The following FAM174A variants were observed in gnomAD, a reference collection of about 807,000 sequenced individuals.
FAM174A encodes the protein membrane protein FAM174A.
In FAM174A, 14 loss-of-function variants were observed where a neutral mutation model predicts 14.3. The observed-to-expected ratio is 0.98, with a 90% CI of 0.65 to 1.53. The LOEUF is 1.53. Ranked by LOEUF, FAM174A falls within the 40% of genes most tolerant of loss-of-function variation. The probability of loss-of-function intolerance (pLI) is 0.00; values close to 1 mark genes in which losing one functional copy is unlikely to be tolerated. For missense variants in FAM174A, 241 were observed against 249.6 expected, an observed-to-expected ratio of 0.97 and a Z score of 0.23; for synonymous variants, 108 against 111.4, an observed-to-expected ratio of 0.97 and a Z score of 0.19.
intron 2 of FAM174A, among the ~76,000 whole-genome samples, chr5:100,566,141 G>GATTGATAT (rs1554047541): frequency 1.2e-5 from 1 of 81,810 alleles, no homozygotes; most frequent in Non-Finnish European, 2.4e-5. Flanking sequence ...TGAAAAGTAT[G>GATTGATAT]ATATATATAT....
intron 1 of FAM174A, among the ~76,000 whole-genome samples, chr5:100,555,699 ATG>A (rs765431929): frequency 6.6e-6 from 1 of 151,898 alleles, no homozygotes; most frequent in African/African-American, 2.4e-5. Flanking sequence ...GCATTTTTTC[ATG>A]TGTGTGTGTT....
At chr5:100,581,181 G>A (rs938836031) in intron 2 of FAM174A, among the ~76,000 whole-genome samples, 4 of 151,980 alleles carry the variant, frequency 2.6e-5, no homozygotes, top group African/African-American at 4.8e-5. Context: ...TCACTCACCC[G>A]GGCCTCCCAA....
At chr5:100,544,608 G>A (rs1459657244) in intron 1 of FAM174A, among the ~76,000 whole-genome samples, 4 of 152,212 alleles carry the variant, frequency 2.6e-5, no homozygotes, top group Non-Finnish European at 5.9e-5. Flanking sequence ...CAATAATGTA[G>A]TCATTTTAAC....
At position 100,535,817 on chromosome 5, in the gene FAM174A, A is replaced by G. The variant is rs1276438345; in HGVS notation, c.287A>G (p.His96Arg). Residue 96 changes from histidine (H) to arginine (R), a missense_variant, in exon 1 of 3, where the codon CAC becomes CGC. Transcript: ENST00000312637. ...GTGGCCGGGCTTGAGACGGACGATC[A>G]CGGAGGGAAGGCCGGGGAAGGCTCG... Reference protein sequence around the residue: ...NPVAGLETDDHGGKAGEGSVG... With the variant: ...NPVAGLETDDRGGKAGEGSVG... The G allele has an allele frequency of 1.9e-6, 3 of 1,610,620 alleles. No homozygotes were observed. The highest frequency in any genetic ancestry group is 2.5e-6 in the Non-Finnish European group (3 of 1,179,774).
chr5:100,558,583 G>A (rs1271919348), intron 1 of FAM174A, among the ~76,000 whole-genome samples: 1 of 151,962 alleles, frequency 6.6e-6, no homozygotes, highest in Non-Finnish European at 1.5e-5. Context: ...AGGTCTCTTT[G>A]TAGTTCTCTA....
chr5:100,546,803 T>C (rs566604177), intron 1 of FAM174A, among the ~76,000 whole-genome samples: 1 of 152,258 alleles, frequency 6.6e-6, no homozygotes, highest in East Asian at 1.9e-4. Flanking sequence ...GAAATGCATC[T>C]ACTCATTAAT....
intron 1 of FAM174A, among the ~76,000 whole-genome samples, chr5:100,548,814 A>G (rs903359585): frequency 5.9e-5 from 9 of 152,272 alleles, no homozygotes; most frequent in Admixed American, 5.9e-4. Flanking sequence ...TTACATCTAG[A>G]ATTCAAATTA....
At chr5:100,562,415 ATTC>A (rs1198680204) in intron 2 of FAM174A, among the ~76,000 whole-genome samples, 2 of 151,752 alleles carry the variant, frequency 1.3e-5, no homozygotes, top group African/African-American at 4.8e-5. Context: ...TTTTTAATTT[ATTC>A]TTCTGTTTTT....
chr5:100,548,486 A>G (rs1230668069), intron 1 of FAM174A, among the ~76,000 whole-genome samples: 1 of 152,108 alleles, frequency 6.6e-6, no homozygotes, highest in Non-Finnish European at 1.5e-5. Context: ...AATGTGAGAT[A>G]GTTGTTTTGA....
At chr5:100,543,981 T>G (rs1746116346) in intron 1 of FAM174A, among the ~76,000 whole-genome samples, 1 of 152,210 alleles carries the variant, frequency 6.6e-6, no homozygotes, top group South Asian at 2.1e-4. Flanking sequence ...GTTTCTGTCT[T>G]CTTTTCTACA....
chr5:100,549,117 T>C (rs924658333), intron 1 of FAM174A, among the ~76,000 whole-genome samples: 3 of 152,004 alleles, frequency 2.0e-5, no homozygotes, highest in Non-Finnish European at 4.4e-5. Flanking sequence ...GGGCTGTAGA[T>C]AGAGTCAGTG....
intron 2 of FAM174A, among the ~76,000 whole-genome samples, chr5:100,570,028 T>A (rs894006538): frequency 1.3e-5 from 2 of 151,926 alleles, no homozygotes; most frequent in Non-Finnish European, 2.9e-5. Context: ...GTCATACAGT[T>A]TTTCTATTCT....
intron 1 of FAM174A, among the ~76,000 whole-genome samples, chr5:100,551,448 C>G (rs180728375): frequency 2.6e-4 from 39 of 152,296 alleles, no homozygotes; most frequent in Admixed American, 1.9e-3. Context: ...CTGGTGAAGA[C>G]TCTTCCAGAA....
chr5:100,539,323 A>G (rs1746006401), intron 1 of FAM174A, among the ~76,000 whole-genome samples: 2 of 152,176 alleles, frequency 1.3e-5, no homozygotes, highest in African/African-American at 2.4e-5. Flanking sequence ...AAATAATCAC[A>G]TAGATAAGTA....
Position 100,562,499 on chromosome 5 carries a change from G to C in FAM174A, c.569+311G>C, listed in dbSNP as rs567230167. Among the ~76,000 whole-genome samples, 25 of 151,768 alleles carry C rather than the reference G, an allele frequency of 1.6e-4. 1 individual carries two copies. The highest frequency in any genetic ancestry group is 3.4e-3 in the Middle Eastern group (1 of 294). On this transcript the variant is annotated intron_variant, in intron 2 of 2. Transcript: ENST00000312637. ...AGGTAAACTTGTGTCATGTGGTTTT[G>C]TCGTACAGATTATTTCATCACCCAG... is the stretch of plus-strand genomic sequence containing the variant.
chr5:100,585,094 A>C (rs929990834), intron 2 of FAM174A, among the ~76,000 whole-genome samples: 1 of 152,206 alleles, frequency 6.6e-6, no homozygotes, highest in African/African-American at 2.4e-5. Context: ...GATTAGTGTC[A>C]CGTGGTATTT....
At chr5:100,573,871 A>T (rs1400165405) in intron 2 of FAM174A, among the ~76,000 whole-genome samples, 1 of 151,888 alleles carries the variant, frequency 6.6e-6, no homozygotes, top group Non-Finnish European at 1.5e-5. Flanking sequence ...CTGGTACCAA[A>T]ACAGAGATAT....
rs537762779 is a variant in FAM174A at position 100,576,516 on chromosome 5, T to C, written c.570-9665T>C. Among the ~76,000 whole-genome samples, 4 of 152,306 alleles carry C rather than the reference T, an allele frequency of 2.6e-5. No homozygotes were observed. In the South Asian group the frequency reaches 6.2e-4, roughly 24 times the overall value. The stretch of plus-strand genomic sequence containing the variant: ...CCTAAAGTCCTCCAACACAGTTGTT[T>C]CTTATTTTTATTTTTTTCACATCAT... On this transcript the variant is annotated intron_variant, in intron 2 of 2. Transcript: ENST00000312637.
intron 1 of FAM174A, 149 bp from the exon 2 acceptor site, chr5:100,561,905 C>T (rs1444885457): frequency 4.5e-6 from 2 of 442,460 alleles, no homozygotes; most frequent in East Asian, 8.2e-5. Context: ...GAAGTTTAAT[C>T]CTAGGTGGTA....
Sources: gnomAD v4.1 joint callset for allele counts (sites outside exome capture counted in the v4.1 genomes callset) on GRCh38, gnomAD v4.1.1 for gene constraint, MANE v1.5 for transcripts, NCBI Gene and HGNC (gene_info 2026-07-23, HGNC 2026-07-21) for gene names.